Variants in USP20 observed in about 807,000 individuals in gnomAD.
USP20 encodes ubiquitin carboxyl-terminal hydrolase 20.
In USP20, 80 loss-of-function variants were observed where a neutral mutation model predicts 124.2. The ratio of observed to expected loss-of-function variants is 0.64; its 90% CI spans 0.54 to 0.78. The LOEUF is 0.78. USP20 is among the 30% of genes least tolerant of loss of function. The probability of loss-of-function intolerance (pLI) is 0.00; values close to 1 mark genes in which losing one functional copy is unlikely to be tolerated. For synonymous variants in USP20, 481 were observed against 512.3 expected (o/e 0.94, Z 0.83); for missense variants, 1,043 against 1,244.4 (o/e 0.84, Z 2.44).
intron 9 of USP20, 58 bp downstream of exon 9, chr9:129,863,357 C>A: frequency 7.3e-7 from 1 of 1,370,376 alleles, no homozygotes; most frequent in Non-Finnish European, 1.0e-6. Flanking sequence ...TTCCTGTCAG[C>A]ACCCATGATT....
chr9:129,852,730 C>A, intron 3 of USP20, 94 bp downstream of exon 3: 1 of 1,248,898 alleles, frequency 8.0e-7, no homozygotes, highest in Non-Finnish European at 1.1e-6. Context: ...AAAACTGGTT[C>A]CCTGACAGTC....
In USP20 at chr9:129,879,256, G is replaced by T. The variant is rs572040420; in HGVS notation, c.2513-317G>T. Reference sequence around the variant, plus strand: ...ACCTCTGTCTTGTCCTGTGGTTGCCGAGGCTAAATGAGATAGCTGGGCAGA... The same window carrying T: ...ACCTCTGTCTTGTCCTGTGGTTGCCTAGGCTAAATGAGATAGCTGGGCAGA... On this transcript the variant is annotated intron_variant, in intron 23 of 25. Coordinates refer to ENST00000372429, the MANE Select transcript of USP20 (RefSeq NM_001110303.4). This position sits in a 1 kb window ranked among gnomAD's most constrained non-coding sequence, Gnocchi z 4.2. 1.7e-5 allele frequency: 6 copies of T among 355,428 alleles called. No individual in the cohort carries two copies. The highest frequency in any genetic ancestry group is 1.3e-4 in the Admixed American group (3 of 22,446). 22.0% of individuals were successfully genotyped at this position (355,428 alleles called of 1,614,324 possible). A position where few individuals can be genotyped will look rare whatever the true frequency, so the allele number is the denominator to read the frequency against.
Position 129,879,557 on chromosome 9 carries a change from G to C in USP20, c.2513-16G>C. The C allele has an allele frequency of 6.2e-7, 1 of 1,612,750 alleles. No individual in the cohort carries two copies. Among genetic ancestry groups the C allele is most frequent in the Non-Finnish European group, 8.5e-7 (1 of 1,179,584 alleles). On this transcript the variant is annotated splice_polypyrimidine_tract_variant and intron_variant, in intron 23 of 25. Transcript: ENST00000372429. This position sits in a 1 kb window ranked among gnomAD's most constrained non-coding sequence, Gnocchi z 4.2. ...CATGGCAGGGGCTGAACCCGAGCCC[G>C]CTGTGTCTGTTGCAGAGCCCCCCGG...
rs2034641150 is a variant in USP20, at chr9:129,881,646, C to G, written c.*1196C>G. On this transcript the variant is annotated 3_prime_UTR_variant, in exon 26 of 26. Transcript: ENST00000372429. ...TCTTCTGTCCCAGATCCTGCTCCCT[C>G]CCTGCTGAGCCTGGGGTTCCCCTGG... is the stretch of plus-strand genomic sequence containing the variant. 6.6e-6 allele frequency: 1 copy of G among 152,454 alleles called. No individual in the cohort carries two copies. The highest frequency in any genetic ancestry group is 1.9e-4 in the East Asian group (1 of 5,186). The allele number at this position is 152,454 out of a possible 1,614,324, so 9.4% of individuals were successfully genotyped here.
At chr9:129,846,228 C>CATATATATATATATAT (rs1159489842) in intron 1 of USP20, among the ~76,000 whole-genome samples, 22 of 59,422 alleles carry the variant, frequency 3.7e-4, no homozygotes, top group Non-Finnish European at 4.7e-4. Context: ...TGCGCCCAGC[C>CATATATATATATATAT]ATATATATAT....
chr9:129,849,153 G>A (rs77498429), intron 1 of USP20, among the ~76,000 whole-genome samples: 1,816 of 152,358 alleles, frequency 0.012, 17 homozygotes, highest in Middle Eastern at 0.024. Context: ...GACTGTGGTA[G>A]CCTGATGGGA....
intron 1 of USP20, among the ~76,000 whole-genome samples, chr9:129,846,816 G>A (rs1384033394): frequency 1.3e-5 from 2 of 151,800 alleles, no homozygotes; most frequent in East Asian, 2.0e-4. Context: ...TAGTAGAAAC[G>A]AGGTTTCACC....
At position 129,858,505 on chromosome 9, in the gene USP20, C is replaced by T; in HGVS notation, c.237C>T (p.Phe79=). Residue 79 remains phenylalanine, a synonymous_variant, in exon 6 of 26, where the codon TTC becomes TTT. Transcript: ENST00000372429. ...KHNLTVNLTT[F]RLWCYACEKE... is the part of the protein sequence containing the mutation. ...ACTTGACCGTGAACCTGACCACGTT[C>T]CGACTGTGGTGTTACGCCTGTGAGA... 1 of 1,614,190 alleles carries T rather than the reference C, an allele frequency of 6.2e-7. No homozygotes were observed. The highest frequency in any genetic ancestry group is 8.5e-7 in the Non-Finnish European group (1 of 1,180,040).
intron 7 of USP20, 25 bp downstream of exon 7, chr9:129,861,058 G>A (rs1380198955): frequency 1.2e-6 from 2 of 1,608,370 alleles, no homozygotes; most frequent in African/African-American, 1.3e-5. Flanking sequence ...AGCAGGGGAA[G>A]CTGATGGGCT....
intron 9 of USP20, among the ~76,000 whole-genome samples, chr9:129,864,975 G>T (rs972909769): frequency 6.6e-6 from 1 of 152,144 alleles, no homozygotes; most frequent in African/African-American, 2.4e-5. Context: ...TGTCAATAAT[G>T]AACATGTCTT....
chr9:129,868,819 GC>G, intron 11 of USP20, 42 bp from the exon 12 acceptor site: 1 of 1,516,438 alleles, frequency 6.6e-7, no homozygotes, highest in South Asian at 1.3e-5. Context: ...CGTGGAGCTG[GC>G]CTGGCTGCCC....
At position 129,869,335 on chromosome 9, in the gene USP20, G is replaced by A; in HGVS notation, c.1302G>A (p.Arg434=). ...KKAQVLSAGS[R]RRKEQRYRSV... ...CCCAGGTATTGAGTGCTGGCAGCCG[G>A]AGGCGGAAGGAGCAGCGCTACCGCA... The change falls in exon 13 of 26, where the codon CGG becomes CGA. Residue 434 remains arginine (R), a synonymous_variant. Transcript: ENST00000372429. 1 of 1,613,690 alleles carries A rather than the reference G, an allele frequency of 6.2e-7. No individual in the cohort carries two copies. Among genetic ancestry groups the A allele is most frequent in the Non-Finnish European group, 8.5e-7 (1 of 1,180,016 alleles).
intron 1 of USP20, among the ~76,000 whole-genome samples, chr9:129,841,659 A>G (rs1346510973): frequency 6.6e-6 from 1 of 152,142 alleles, no homozygotes; most frequent in Admixed American, 6.5e-5. Context: ...CAGGGAAGCA[A>G]AGGTGCTCAG....
At chr9:129,869,897 TC>T in intron 14 of USP20, 53 bp downstream of exon 14, 2 of 1,595,982 alleles carry the variant, frequency 1.3e-6, no homozygotes, top group Non-Finnish European at 1.7e-6. Context: ...GTCCTGGTTT[TC>T]CTGGGCGGGA....
At chr9:129,867,474 A>AG (rs984115316) in intron 10 of USP20, among the ~76,000 whole-genome samples, 42 of 152,098 alleles carry the variant, frequency 2.8e-4, no homozygotes, top group African/African-American at 8.9e-4. Flanking sequence ...ACAGGGACTG[A>AG]GGGAGCAGGG....
chr9:129,862,114 G>A (rs7029716), intron 8 of USP20, among the ~76,000 whole-genome samples: 133,459 of 152,180 alleles, frequency 0.88, 58,920 homozygotes, highest in East Asian at 1. Context: ...CTCCTACCCA[G>A]TGGAGGTTAG....
chr9:129,876,852 C>T (rs1182315740), intron 22 of USP20, among the ~76,000 whole-genome samples: 6 of 151,938 alleles, frequency 3.9e-5, no homozygotes, highest in East Asian at 1.9e-4. Flanking sequence ...ATTGTGGGGC[C>T]GTCCTGTGCA....
chr9:129,873,651 C>A (rs771558787), intron 16 of USP20, 48 bp from the exon 17 acceptor site: 19 of 1,613,760 alleles, frequency 1.2e-5, no homozygotes, highest in Non-Finnish European at 1.5e-5. Flanking sequence ...TTCCCTGGCC[C>A]CTGGCCCTGA....
chr9:129,879,533 A>G lies in USP20; in HGVS notation c.2513-40A>G, dbSNP rs751387809. 1.2e-6 allele frequency: 2 copies of G among 1,608,486 alleles called. No individual in the cohort carries two copies. Among genetic ancestry groups the G allele is most frequent in the South Asian group, 1.1e-5 (1 of 90,902 alleles). On this transcript the variant is annotated intron_variant, in intron 23 of 25. Coordinates refer to ENST00000372429, the MANE Select transcript of USP20 (RefSeq NM_001110303.4). The surrounding 1 kb of genome is among the most constrained non-coding windows in gnomAD (Gnocchi z 4.2). ...TCTGCTGCTGTGGAGGGTGGAGGGC[A>G]TGGCAGGGGCTGAACCCGAGCCCGC...
Sources: allele counts gnomAD v4.1 joint callset (sites outside exome capture counted in the v4.1 genomes callset), GRCh38; gene constraint gnomAD v4.1.1; non-coding constraint Gnocchi (gnomAD v3.1); transcripts MANE v1.5; gene names NCBI Gene and HGNC (gene_info 2026-07-23, HGNC 2026-07-21).